CLEC12A: variants seen among roughly 807,000 people sequenced by gnomAD.
CLEC12A encodes the protein C-type lectin protein CLL-1.
In CLEC12A, 22 loss-of-function variants were observed where a neutral mutation model predicts 26.5. The ratio of observed to expected loss-of-function variants is 0.83; its 90% CI spans 0.59 to 1.19. CLEC12A has a LOEUF of 1.19. Ranked by LOEUF, CLEC12A falls within the 50% of genes most tolerant of loss-of-function variation. The pLI is 0.00. For synonymous variants in CLEC12A, 119 were observed against 101.9 expected, an observed-to-expected ratio of 1.17 and a Z score of -1.01; for missense variants, 353 against 315.6, an observed-to-expected ratio of 1.12 and a Z score of -0.90.
At position 9,965,915 on chromosome 12, in the gene CLEC12A, G is replaced by T. The variant is rs533185547; in HGVS notation, c.11-5662G>T. On this transcript the variant is annotated intron_variant, in intron 1 of 6. Transcript: ENST00000355690. The stretch of plus-strand genomic sequence containing the variant: ...CAGTAGAGGTGTCCTATACTTGTGG[G>T]TTAAGGTGGGGAGATACAAGGGGAG... Among the ~76,000 whole-genome samples, 4 of 152,180 alleles carry T rather than the reference G, an allele frequency of 2.6e-5. No homozygotes were observed. The South Asian group carries it at 8.3e-4, about 32-fold the overall frequency.
chr12:9,984,988 C>G lies in CLEC12A; in HGVS notation c.760C>G (p.Pro254Ala), dbSNP rs761530737. ...KRMICEKMAN[P>A]VQLGSTYFRE... is the part of the protein sequence containing the mutation. ...AATGATATGTGAGAAGATGGCCAAT[C>G]CAGTGCAGCTTGGTTCTACATATTT... is the stretch of plus-strand genomic sequence containing the variant. The change falls in exon 6 of 6, where the codon CCA (proline) becomes GCA (alanine). Residue 254 changes from proline to alanine, a missense_variant. By Grantham distance (27) the Pro-to-Ala change is conservative. Transcript: ENST00000304361. 6.5e-7 allele frequency: 1 copy of G among 1,545,760 alleles called. No homozygotes were observed. The highest frequency in any genetic ancestry group is 1.2e-5 in the South Asian group (1 of 82,790).
chr12:9,965,626 A>T (rs939842945), intron 1 of CLEC12A, among the ~76,000 whole-genome samples: 1 of 152,180 alleles, frequency 6.6e-6, no homozygotes, highest in Admixed American at 6.5e-5. Context: ...ATTTGGCACC[A>T]TGGGGTGGTT....
intron 1 of CLEC12A, among the ~76,000 whole-genome samples, chr12:9,958,456 A>G (rs1863777724): frequency 6.6e-6 from 1 of 152,238 alleles, no homozygotes; most frequent in Admixed American, 6.5e-5. Flanking sequence ...AGCAACAGAT[A>G]TGCTTCAAAT....
At chr12:9,978,216 C>T (rs1216727003) in intron 1 of CLEC12A, among the ~76,000 whole-genome samples, 1 of 151,970 alleles carries the variant, frequency 6.6e-6, no homozygotes, top group Non-Finnish European at 1.5e-5. Flanking sequence ...TAGCTTTATA[C>T]ATAATGATGA....
chr12:9,983,430 GT>G (rs1864639494), intron 5 of CLEC12A: 4 of 654,966 alleles, frequency 6.1e-6, no homozygotes, highest in Non-Finnish European at 8.2e-6. Flanking sequence ...GGATTTATAC[GT>G]TGTATTTGTT....
intron 1 of CLEC12A, among the ~76,000 whole-genome samples, chr12:9,954,284 C>T (rs919751495): frequency 6.7e-6 from 1 of 149,760 alleles, no homozygotes; most frequent in Admixed American, 6.6e-5. Context: ...TACTTGAGCC[C>T]AGGAGTTCGA....
downstream of CLEC12A, chr12:9,997,241 T>C (rs201255744): frequency 6.2e-7 from 1 of 1,613,598 alleles, no homozygotes; most frequent in Non-Finnish European, 8.5e-7. Flanking sequence ...CCTGTGCGAT[T>C]TTCATTCTCA....
chr12:9,980,448 A>AGG lies in CLEC12A; in HGVS notation c.380-130_380-129dup, dbSNP rs55790035. The AGG allele has an allele frequency of 2.1e-5, 18 of 838,004 alleles. No individual in the cohort carries two copies. In the African/African-American group the frequency reaches 2.3e-4, roughly 11 times the overall value. The allele number at this position is 838,004 out of a possible 1,614,324, so 51.9% of individuals were successfully genotyped here. A position where few individuals can be genotyped will look rare whatever the true frequency, so the allele number is the denominator to read the frequency against. On this transcript the variant is annotated intron_variant, in intron 3 of 5. Coordinates refer to ENST00000304361, the MANE Select transcript of CLEC12A (RefSeq NM_138337.6). ...GCAAGACTCTGTCAAAAAAAAAAAA[A>AGG]GGGGGAAAGAGAGAAAGAAAAAGAA... is the stretch of plus-strand genomic sequence containing the variant.
At chr12:9,961,750 A>C (rs530298927) in intron 1 of CLEC12A, among the ~76,000 whole-genome samples, 43 of 152,346 alleles carry the variant, frequency 2.8e-4, no homozygotes, top group African/African-American at 9.4e-4. Flanking sequence ...CCTAAAAAAA[A>C]AGAATTAAAT....
chr12:9,999,161 A>C (rs1190758261), downstream of CLEC12A: 23 of 1,090,532 alleles, frequency 2.1e-5, no homozygotes, highest in Non-Finnish European at 3.1e-5. Flanking sequence ...GTAGTTTCCA[A>C]CTTTACAATT....
At chr12:9,966,008 T>C (rs979112864) in intron 1 of CLEC12A, among the ~76,000 whole-genome samples, 36 of 152,102 alleles carry the variant, frequency 2.4e-4, no homozygotes, top group Middle Eastern at 3.4e-3. Flanking sequence ...TAGGAATAGT[T>C]AGGGAAGCAG....
chr12:9,983,693 C>A (rs1864650372), intron 5 of CLEC12A: 1 of 534,620 alleles, frequency 1.9e-6, no homozygotes, highest in Admixed American at 3.5e-5. Context: ...TCCCTGCATA[C>A]TCATCACATT....
the CLEC12A span, among the ~76,000 whole-genome samples, chr12:10,002,251 T>G: frequency 2.6e-5 from 4 of 152,160 alleles, no homozygotes; most frequent in Non-Finnish European, 5.9e-5. Flanking sequence ...TCATTCAATA[T>G]TTTACAGATT....
Position 9,984,877 on chromosome 12 carries a change from A to C in CLEC12A, c.649A>C (p.Arg217=). 1 of 1,510,338 alleles carries C rather than the reference A, an allele frequency of 6.6e-7. No individual in the cohort carries two copies. The highest frequency in any genetic ancestry group is 1.8e-4 in the Middle Eastern group (1 of 5,648). The allele number at this position is 1,510,338 out of a possible 1,614,324, so 93.6% of individuals were successfully genotyped here. ...CTTTACTTTCTCTTTCAGGGTTATA[A>C]GAAACGCACCTGACTTAAATAACAT... ...NIINSSAWVI[R]NAPDLNNMYC... Residue 217 remains arginine (R), a synonymous_variant, in exon 6 of 6, where the codon AGA becomes CGA. Coordinates refer to ENST00000304361, the MANE Select transcript of CLEC12A (RefSeq NM_138337.6).
At chr12:9,966,600 C>T (rs528446844), upstream of CLEC12A, among the ~76,000 whole-genome samples, 24 of 151,984 alleles carry the variant, frequency 1.6e-4, no homozygotes, top group Non-Finnish European at 2.5e-4. Context: ...GAAGTTCTTG[C>T]GTGCTGGAGA....
intron 1 of CLEC12A, among the ~76,000 whole-genome samples, chr12:9,957,880 G>T (rs1863768764): frequency 6.6e-6 from 1 of 152,196 alleles, no homozygotes; most frequent in African/African-American, 2.4e-5. Context: ...GGGACCCCAA[G>T]ATTTATTTTC....
At chr12:9,977,624 T>C (rs1864389827) in intron 1 of CLEC12A, among the ~76,000 whole-genome samples, 1 of 152,206 alleles carries the variant, frequency 6.6e-6, no homozygotes, top group African/African-American at 2.4e-5. Flanking sequence ...AGATTTGAAC[T>C]GCCTGCTCTC....
intron 1 of CLEC12A, among the ~76,000 whole-genome samples, chr12:9,955,942 G>A (rs1018203008): frequency 1.3e-5 from 2 of 152,030 alleles, no homozygotes; most frequent in Admixed American, 1.3e-4. Context: ...AAATATTTCA[G>A]CATCAGACCA....
intron 5 of CLEC12A, chr12:9,983,500 A>G: frequency 1.4e-6 from 1 of 695,698 alleles, no homozygotes; most frequent in South Asian, 1.5e-5. Flanking sequence ...TTCCATTTGT[A>G]TTTTTTAATC....
Sources: allele counts gnomAD v4.1 joint callset (sites outside exome capture counted in the v4.1 genomes callset), GRCh38; gene constraint gnomAD v4.1.1; transcripts MANE v1.5; gene names NCBI Gene and HGNC (gene_info 2026-07-23, HGNC 2026-07-21).